Variants in UPK3A observed in about 807,000 individuals in gnomAD.
The protein encoded by UPK3A is uroplakin 3A.
UPK3A carries 32 observed loss-of-function variants against 27.6 expected under a neutral mutation model. The ratio of observed to expected loss-of-function variants is 1.16; its 90% confidence interval spans 0.87 to 1.55. The LOEUF (loss-of-function observed/expected upper bound fraction) is 1.55. UPK3A is among the 40% of genes most tolerant of loss of function. The pLI, the probability that UPK3A is intolerant of heterozygous loss-of-function variation, is 0.00. For missense variants in UPK3A, 370 were observed against 367.9 expected (o/e 1.01, Z -0.05); for synonymous variants, 171 against 163.9 (o/e 1.04, Z -0.33).
chr22:45,295,720 G>A lies in UPK3A; in HGVS notation c.*1G>A. ...GTATTCCAGCAAGCTCCAAGACTGA[G>A]CCCAGCACCACCCCTGGGCAGCAGC... is the stretch of plus-strand genomic sequence containing the variant. On this transcript the variant is annotated 3_prime_UTR_variant, in exon 6 of 6. Transcript: ENST00000216211. 1.2e-6 allele frequency: 2 copies of A among 1,613,762 alleles called. No homozygotes were observed. The highest frequency in any genetic ancestry group is 1.7e-6 in the Non-Finnish European group (2 of 1,180,002).
chr22:45,292,631 TG>T (rs1421386750), intron 4 of UPK3A, among the ~76,000 whole-genome samples: 1 of 151,982 alleles, frequency 6.6e-6, no homozygotes, highest in East Asian at 1.9e-4. Flanking sequence ...GGCACTCTGG[TG>T]GTGGCTCACA....
At chr22:45,287,000 C>T (rs2084122602) in intron 2 of UPK3A, among the ~76,000 whole-genome samples, 172 bp from the exon 3 acceptor site, 1 of 152,204 alleles carries the variant, frequency 6.6e-6, no homozygotes, top group Non-Finnish European at 1.5e-5. Context: ...GATCCTTGTC[C>T]ATCTCCCACA....
rs1408437546 is a variant in UPK3A, at chr22:45,289,196, G to A, written c.571+53G>A. 13 of 1,578,634 alleles carry A rather than the reference G, an allele frequency of 8.2e-6. No homozygotes were observed. The South Asian group carries it at 1.4e-4, about 17-fold the overall frequency. On this transcript the variant is annotated intron_variant, in intron 4 of 5. Coordinates refer to ENST00000216211, the MANE Select transcript of UPK3A (RefSeq NM_006953.4). Reference sequence around the variant, plus strand: ...TGCTCAAGGGGACCCGAGAAGGCGGGGCCAGCCACGGCGGTGAGAACCAAG... The same window carrying A: ...TGCTCAAGGGGACCCGAGAAGGCGGAGCCAGCCACGGCGGTGAGAACCAAG...
chr22:45,289,771 G>A (rs116819530), intron 4 of UPK3A, among the ~76,000 whole-genome samples: 2,205 of 149,972 alleles, frequency 0.015, 47 homozygotes, highest in African/African-American at 0.049. Context: ...AAAAAAAGTC[G>A]TTGAACCTGG....
At chr22:45,288,380 A>G (rs1441100723) in intron 3 of UPK3A, among the ~76,000 whole-genome samples, 2 of 152,098 alleles carry the variant, frequency 1.3e-5, no homozygotes, top group Non-Finnish European at 1.5e-5. Context: ...TTGTATTTTT[A>G]GTAGAGACGG....
At chr22:45,288,091 T>C (rs957245704) in intron 3 of UPK3A, among the ~76,000 whole-genome samples, 1 of 152,132 alleles carries the variant, frequency 6.6e-6, no homozygotes, top group African/African-American at 2.4e-5. Flanking sequence ...CCCTTCGTCT[T>C]ACAGGAAAGG....
At chr22:45,294,292 G>C (rs1569107104) in intron 5 of UPK3A, among the ~76,000 whole-genome samples, 2 of 152,126 alleles carry the variant, frequency 1.3e-5, no homozygotes, top group African/African-American at 2.4e-5. Context: ...CAGCCAGGCA[G>C]GAAAAGATAG....
chr22:45,293,567 A>C (rs1456057042), intron 5 of UPK3A, among the ~76,000 whole-genome samples: 1 of 152,162 alleles, frequency 6.6e-6, no homozygotes, highest in Non-Finnish European at 1.5e-5. Flanking sequence ...CAGACAGCCG[A>C]TTCAGATCTT....
intron 4 of UPK3A, among the ~76,000 whole-genome samples, chr22:45,289,767 A>G (rs1480626621): frequency 6.6e-6 from 1 of 150,454 alleles, no homozygotes; most frequent in African/African-American, 2.4e-5. Flanking sequence ...AAAAAAAAAA[A>G]GTCGTTGAAC....
At position 45,295,551 on chromosome 22, in the gene UPK3A, C is replaced by G. The variant is rs1229999338; in HGVS notation, c.705-9C>G. On this transcript the variant is annotated splice_polypyrimidine_tract_variant and intron_variant, in intron 5 of 5. Transcript: ENST00000216211. ...CCCTAATCCTGGGTCTTTCCATCCC[C>G]TTGGACAGGGACATGGGGAGTTCTG... The G allele has an allele frequency of 6.2e-7, 1 of 1,614,072 alleles. No homozygotes were observed. The highest frequency in any genetic ancestry group is 1.7e-5 in the Admixed American group (1 of 60,004).
At chr22:45,295,517 G>A in intron 5 of UPK3A, 43 bp from the exon 6 acceptor site, 1 of 1,613,378 alleles carries the variant, frequency 6.2e-7, no homozygotes, top group Non-Finnish European at 8.5e-7. Context: ...ATTTGGGTTT[G>A]CTCTGGTCCC....
intron 2 of UPK3A, 140 bp from the exon 3 acceptor site, chr22:45,287,032 T>A: frequency 7.9e-7 from 1 of 1,269,406 alleles, no homozygotes; most frequent in Non-Finnish European, 1.1e-6. Context: ...GGGCAGAGAC[T>A]AAGTTTGCCC....
chr22:45,295,593 C>T lies in UPK3A; in HGVS notation c.738C>T (p.His246=), dbSNP rs561638516. Residue 246 remains histidine, a synonymous_variant, in exon 6 of 6, where the codon CAC becomes CAT. Coordinates refer to ENST00000216211, the MANE Select transcript of UPK3A (RefSeq NM_006953.4). The stretch of plus-strand genomic sequence containing the variant: ...GGAGTTCTGATGGGGAAACGACTCA[C>T]GACTCCCAAATCACTCAGGAGGCTG... ...DMGSSDGETT[H]DSQITQEAVP... 2.5e-5 allele frequency: 40 copies of T among 1,614,128 alleles called. No individual in the cohort carries two copies. The highest frequency in any genetic ancestry group is 3.1e-5 in the Non-Finnish European group (37 of 1,180,038).
intron 1 of UPK3A, 95 bp from the exon 2 acceptor site, chr22:45,285,846 G>C (rs1398516767): frequency 2.3e-5 from 36 of 1,571,644 alleles, no homozygotes; most frequent in Non-Finnish European, 3.0e-5. Flanking sequence ...GTGAAGCCCA[G>C]GGCCTGGCAC....
At position 45,295,749 on chromosome 22, in the gene UPK3A, C is replaced by T; in HGVS notation, c.*30C>T. The T allele has an allele frequency of 6.2e-7, 1 of 1,612,794 alleles. No individual in the cohort carries two copies. Among genetic ancestry groups the T allele is most frequent in the Non-Finnish European group, 8.5e-7 (1 of 1,179,896 alleles). On this transcript the variant is annotated 3_prime_UTR_variant, in exon 6 of 6. Coordinates refer to ENST00000216211, the MANE Select transcript of UPK3A (RefSeq NM_006953.4). ...AGCACCACCCCTGGGCAGCAGCATCCTCCTCTCTGGCCTTGCCCCAGGCCC... is the reference window on the plus strand; with the variant it reads ...AGCACCACCCCTGGGCAGCAGCATCTTCCTCTCTGGCCTTGCCCCAGGCCC...
chr22:45,286,838 T>C (rs541789329), intron 2 of UPK3A, among the ~76,000 whole-genome samples: 1 of 152,272 alleles, frequency 6.6e-6, no homozygotes, highest in East Asian at 1.9e-4. Context: ...CCACGTTATT[T>C]CCCTTGGACC....
intron 3 of UPK3A, 133 bp downstream of exon 3, chr22:45,287,584 GC>G: frequency 8.8e-7 from 1 of 1,132,120 alleles, no homozygotes; most frequent in Non-Finnish European, 1.3e-6. Context: ...TTCCAGGCAG[GC>G]CACGCTGAGC....
At chr22:45,286,631 C>A (rs1448248692) in intron 2 of UPK3A, among the ~76,000 whole-genome samples, 1 of 152,206 alleles carries the variant, frequency 6.6e-6, no homozygotes, top group Non-Finnish European at 1.5e-5. Flanking sequence ...TTTCTAGCAG[C>A]CAGTCATTTA....
At chr22:45,292,050 GT>G (rs2084165585) in intron 4 of UPK3A, among the ~76,000 whole-genome samples, 1 of 152,154 alleles carries the variant, frequency 6.6e-6, no homozygotes, top group African/African-American at 2.4e-5. Flanking sequence ...CCCACGCAGT[GT>G]GGTTTCACCG....
Sources: allele counts gnomAD v4.1 joint callset (sites outside exome capture counted in the v4.1 genomes callset), GRCh38; gene constraint gnomAD v4.1.1; transcripts MANE v1.5; gene names NCBI Gene and HGNC (gene_info 2026-07-23, HGNC 2026-07-21).